The following KIF6 variants were observed in gnomAD, a reference collection of about 807,000 sequenced individuals.
KIF6 encodes kinesin-like protein KIF6.
In KIF6, 106 loss-of-function variants were observed where a neutral mutation model predicts 112.7. The ratio of observed to expected loss-of-function variants is 0.94; its 90% CI spans 0.80 to 1.11. KIF6 has a LOEUF of 1.11. Ranked by LOEUF, KIF6 falls within the 50% of genes least tolerant of loss-of-function variation. KIF6 has a pLI of 0.00. For synonymous variants in KIF6, 339 were observed against 339.9 expected (o/e 1.00, Z 0.03); for missense variants, 929 against 964.0 (o/e 0.96, Z 0.48).
At chr6:39,705,700 G>A (rs763199234) in intron 3 of KIF6, among the ~76,000 whole-genome samples, 2 of 152,192 alleles carry the variant, frequency 1.3e-5, no homozygotes, top group Non-Finnish European at 2.9e-5. Context: ...CCAATAATGG[G>A]CAGGAGTGGT....
chr6:39,432,877 CCA>C (rs1771257939), intron 13 of KIF6, among the ~76,000 whole-genome samples: 1 of 152,152 alleles, frequency 6.6e-6, no homozygotes, highest in Admixed American at 6.5e-5. Flanking sequence ...GAGAAAAGCT[CCA>C]CAGAGACCAC....
chr6:39,333,303 T>C lies in KIF6; in HGVS notation c.*3229A>G, dbSNP rs1275228337. 1 of 152,226 alleles carries C rather than the reference T, an allele frequency of 6.6e-6. No homozygotes were observed. The highest frequency in any genetic ancestry group is 1.5e-5 in the Non-Finnish European group (1 of 68,044). The allele number at this position is 152,226 out of a possible 1,614,324, so 9.4% of individuals were successfully genotyped here. A position where few individuals can be genotyped will look rare whatever the true frequency, so the allele number is the denominator to read the frequency against. ...GCCAGTCTGCTATTGCTACAATTAA[T>C]GCTATATAACAAACCACTCTAAACC... On this transcript the variant is annotated 3_prime_UTR_variant, in exon 23 of 23. Transcript: ENST00000287152.
chr6:39,357,677 G>C (rs1764819770), intron 18 of KIF6, among the ~76,000 whole-genome samples: 2 of 152,146 alleles, frequency 1.3e-5, no homozygotes, highest in African/African-American at 2.4e-5. Flanking sequence ...TCGAACTCCT[G>C]ACCTCAGTTG....
intron 13 of KIF6, among the ~76,000 whole-genome samples, chr6:39,475,470 A>G (rs1288445009): frequency 6.6e-6 from 1 of 152,236 alleles, no homozygotes; most frequent in Admixed American, 6.5e-5. Flanking sequence ...TAACAAGTAG[A>G]GTCCCCATTC....
chr6:39,351,027 G>C (rs1156736941), intron 19 of KIF6, among the ~76,000 whole-genome samples: 2 of 152,138 alleles, frequency 1.3e-5, no homozygotes, highest in Non-Finnish European at 2.9e-5. Context: ...TCTAGGGCTG[G>C]CTGAGAGCCA....
intron 13 of KIF6, among the ~76,000 whole-genome samples, chr6:39,450,089 C>T (rs954472858): frequency 6.6e-5 from 10 of 152,192 alleles, no homozygotes; most frequent in African/African-American, 2.4e-4. Context: ...AAACAAAATG[C>T]CACGTATAAA....
chr6:39,593,155 G>A (rs554811747), intron 7 of KIF6, among the ~76,000 whole-genome samples: 320 of 152,176 alleles, frequency 2.1e-3, no homozygotes, highest in African/African-American at 7.1e-3. Flanking sequence ...ATTGTCTAAC[G>A]TAACTCACAG....
intron 19 of KIF6, among the ~76,000 whole-genome samples, chr6:39,355,851 C>T (rs186349285): frequency 1.1e-3 from 170 of 151,998 alleles, no homozygotes; most frequent in African/African-American, 3.6e-3. Flanking sequence ...CATGGAGATC[C>T]CATGTAGCCT....
chr6:39,587,393 A>T (rs1399165014), intron 7 of KIF6, among the ~76,000 whole-genome samples: 1 of 152,102 alleles, frequency 6.6e-6, no homozygotes, highest in Admixed American at 6.5e-5. Flanking sequence ...CTTTTGGTTT[A>T]CAAAACGAAA....
intron 10 of KIF6, among the ~76,000 whole-genome samples, chr6:39,557,077 A>G (rs1582129071): frequency 1.3e-5 from 2 of 152,122 alleles, no homozygotes; most frequent in African/African-American, 2.4e-5. Context: ...ATGTGCACAT[A>G]TATATGTATA....
At chr6:39,599,342 A>G (rs1474366674) in intron 6 of KIF6, among the ~76,000 whole-genome samples, 2 of 152,230 alleles carry the variant, frequency 1.3e-5, no homozygotes, top group African/African-American at 4.8e-5. Flanking sequence ...CAGACAGAGT[A>G]ACACATTTGA....
At chr6:39,548,168 T>C (rs1403556451) in intron 10 of KIF6, among the ~76,000 whole-genome samples, 1 of 152,214 alleles carries the variant, frequency 6.6e-6, no homozygotes, top group African/African-American at 2.4e-5. Flanking sequence ...AACTTTTGAA[T>C]AGTTTAATCA....
At chr6:39,580,941 A>G (rs1781252870) in intron 9 of KIF6, among the ~76,000 whole-genome samples, 1 of 152,118 alleles carries the variant, frequency 6.6e-6, no homozygotes, top group Admixed American at 6.5e-5. Flanking sequence ...GTGATAGATT[A>G]CTTTGAATTC....
At chr6:39,437,557 C>T (rs1771611581) in intron 13 of KIF6, among the ~76,000 whole-genome samples, 1 of 151,214 alleles carries the variant, frequency 6.6e-6, no homozygotes, top group Non-Finnish European at 1.5e-5. Context: ...ATCCATTGCT[C>T]TCTCTCTCTC....
intron 6 of KIF6, among the ~76,000 whole-genome samples, chr6:39,598,395 G>A (rs1782394306): frequency 6.6e-6 from 1 of 152,088 alleles, no homozygotes; most frequent in Non-Finnish European, 1.5e-5. Context: ...CAAAATAAGT[G>A]TTGTTGGAGA....
chr6:39,666,543 ATCT>A (rs1786470354), intron 3 of KIF6, among the ~76,000 whole-genome samples: 1 of 152,200 alleles, frequency 6.6e-6, no homozygotes, highest in African/African-American at 2.4e-5. Flanking sequence ...TAAGAACTCT[ATCT>A]TCTTCTACAG....
At chr6:39,716,464 C>G (rs1003538079) in intron 2 of KIF6, among the ~76,000 whole-genome samples, 10 of 152,100 alleles carry the variant, frequency 6.6e-5, no homozygotes, top group Non-Finnish European at 1.5e-4. Context: ...ATATATTAAG[C>G]ATCAAATGTC....
In KIF6 at chr6:39,540,210, T is replaced by A; in HGVS notation, c.1438A>T (p.Asn480Tyr). The A allele has an allele frequency of 1.9e-6, 3 of 1,605,616 alleles. No individual in the cohort carries two copies. The highest frequency in any genetic ancestry group is 2.5e-6 in the Non-Finnish European group (3 of 1,176,884). ...TTCTTCTTTTCTTTTTTTAACATGT[T>A]GACCAGGATATCTGAAACTTGACTT... ...QRDNEINILV[N>Y]MLKKEKKKAQ... is the part of the protein sequence containing the mutation. Residue 480 changes from asparagine to tyrosine, a missense_variant, in exon 13 of 23, where the codon AAC becomes TAC. By Grantham distance (143) the Asn-to-Tyr change is moderately radical (BLOSUM62 -2). Around this residue, in one of 2 missense-constraint regions of KIF6, gnomAD observed 688 missense variants for 662.7 expected, o/e 1.04. Coordinates refer to ENST00000287152, the MANE Select transcript of KIF6 (RefSeq NM_145027.6).
intron 10 of KIF6, among the ~76,000 whole-genome samples, chr6:39,565,096 AG>A (rs1780210077): frequency 4.7e-5 from 7 of 149,624 alleles, no homozygotes; most frequent in Admixed American, 3.4e-4. Flanking sequence ...ATTTGGTGGC[AG>A]TTCTGAGAGA....
Sources: allele counts gnomAD v4.1 joint callset (sites outside exome capture counted in the v4.1 genomes callset), GRCh38; gene constraint gnomAD v4.1.1; regional missense constraint gnomAD v4.1.1; transcripts MANE v1.5; gene names NCBI Gene and HGNC (gene_info 2026-07-23, HGNC 2026-07-21).